SPEN: variants seen among roughly 807,000 people sequenced by gnomAD.
SPEN encodes msx2-interacting protein.
SPEN carries 18 observed loss-of-function variants against 269.9 expected under a neutral mutation model. That is an observed-to-expected ratio of 0.07 (90% CI 0.05 to 0.10). SPEN has a LOEUF of 0.10. Ranked by LOEUF, SPEN falls within the 10% of genes least tolerant of loss-of-function variation. The probability of loss-of-function intolerance (pLI) is 1.00; values close to 1 mark genes in which losing one functional copy is unlikely to be tolerated. For missense variants in SPEN, 3,822 were observed against 4,631.2 expected (o/e 0.83, Z 5.07); for synonymous variants, 1,726 against 1,765.7 (o/e 0.98, Z 0.56).
At position 15,930,697 on chromosome 1, in the gene SPEN, C is replaced by T. The variant is rs766467210; in HGVS notation, c.4457C>T (p.Ala1486Val). The T allele has an allele frequency of 5.2e-5, 84 of 1,613,934 alleles. No homozygotes were observed. The highest frequency in any genetic ancestry group is 7.0e-5 in the Non-Finnish European group (83 of 1,179,964). The change falls in exon 11 of 15, where the codon GCT becomes GTT. Residue 1486 changes from alanine (A) to valine (V), a missense_variant. Physicochemically the swap from Ala to Val is moderately conservative, Grantham distance 64. Coordinates refer to ENST00000375759, the MANE Select transcript of SPEN (RefSeq NM_015001.3). This position sits in a 1 kb window ranked among gnomAD's most constrained non-coding sequence, Gnocchi z 5.3. Reference protein sequence around the residue: ...NNKDKEKVDSAPRPIPSWYMK... With the variant: ...NNKDKEKVDSVPRPIPSWYMK... Reference sequence around the variant, plus strand: ...AAAGATAAAGAAAAGGTTGACTCTGCTCCAAGACCTATTCCATCCTGGTAC... The same window carrying T: ...AAAGATAAAGAAAAGGTTGACTCTGTTCCAAGACCTATTCCATCCTGGTAC...
In SPEN at chr1:15,929,271, G is replaced by C. The variant is rs1300465646; in HGVS notation, c.3031G>C (p.Asp1011His). 1 of 1,614,190 alleles carries C rather than the reference G, an allele frequency of 6.2e-7. No homozygotes were observed. Among genetic ancestry groups the C allele is most frequent in the South Asian group, 1.1e-5 (1 of 91,076 alleles). Residue 1011 changes from aspartate to histidine, a missense_variant, in exon 11 of 15, where the codon GAT (aspartate) becomes CAT (histidine). Coordinates refer to ENST00000375759, the MANE Select transcript of SPEN (RefSeq NM_015001.3). This position sits in a 1 kb window ranked among gnomAD's most constrained non-coding sequence, Gnocchi z 5.8. ...CAAGAAAAGCAGTCCAGAGATGGAG[G>C]ATGCTCGCGTGCTTTCAAAAAAGCA... ...EVKKSSPEMEDARVLSKKQPD... is the reference protein window; with the variant it reads ...EVKKSSPEMEHARVLSKKQPD...
intron 3 of SPEN, among the ~76,000 whole-genome samples, chr1:15,894,689 C>G (rs568237814): frequency 6.6e-6 from 1 of 151,650 alleles, no homozygotes; most frequent in Non-Finnish European, 1.5e-5. Flanking sequence ...TACAGACACG[C>G]GCCACCACAC....
intron 1 of SPEN, among the ~76,000 whole-genome samples, chr1:15,867,383 A>G (rs148644935): frequency 9.2e-5 from 14 of 152,204 alleles, no homozygotes; most frequent in Admixed American, 2.6e-4. Context: ...TATTTTTAAG[A>G]GACAGGGTTT....
rs1308487114 is a variant in SPEN, at chr1:15,930,277, A to G, written c.4037A>G (p.Gln1346Arg). 3 of 1,614,204 alleles carry G rather than the reference A, an allele frequency of 1.9e-6. No homozygotes were observed. The highest frequency in any genetic ancestry group is 1.7e-6 in the Non-Finnish European group (2 of 1,180,032). The change falls in exon 11 of 15, where the codon CAG (glutamine) becomes CGG (arginine). Residue 1346 changes from glutamine to arginine, a missense_variant. By Grantham distance (43) the Gln-to-Arg change is conservative. This residue lies in a region of SPEN where 267 missense variants were observed against 315.5 expected (regional missense o/e 0.85). Transcript: ENST00000375759. This position sits in a 1 kb window ranked among gnomAD's most constrained non-coding sequence, Gnocchi z 5.3. Reference sequence around the variant, plus strand: ...AATCGTTGGGACTCTCAGATGAAACAGGATGCTGGCAGATTTGATGTGAGT... The same window carrying G: ...AATCGTTGGGACTCTCAGATGAAACGGGATGCTGGCAGATTTGATGTGAGT... ...ELNRWDSQMK[Q>R]DAGRFDVSFP...
At chr1:15,856,121 C>T (rs1278980232) in intron 1 of SPEN, among the ~76,000 whole-genome samples, 2 of 149,740 alleles carry the variant, frequency 1.3e-5, no homozygotes. Flanking sequence ...TCCCAAATAG[C>T]TGGGATTACA....
chr1:15,925,197 G>A (rs576960032), intron 10 of SPEN, among the ~76,000 whole-genome samples: 1 of 152,278 alleles, frequency 6.6e-6, no homozygotes, highest in East Asian at 1.9e-4. Context: ...TAAGGGGCTG[G>A]GCTGGGGATA....
intron 3 of SPEN, among the ~76,000 whole-genome samples, chr1:15,886,909 T>A (rs1399879631): frequency 6.6e-6 from 1 of 152,200 alleles, no homozygotes; most frequent in Non-Finnish European, 1.5e-5. Context: ...GTGGAAGGAA[T>A]TAAAATAGGT....
chr1:15,891,917 A>G (rs1460380008), intron 3 of SPEN, among the ~76,000 whole-genome samples: 7 of 151,852 alleles, frequency 4.6e-5, no homozygotes, highest in African/African-American at 1.5e-4. Context: ...AAAAAAAAAA[A>G]ACTTATTTAT....
At position 15,932,162 on chromosome 1, in the gene SPEN, A is replaced by T; in HGVS notation, c.5922A>T (p.Thr1974=). 2 of 1,612,624 alleles carry T rather than the reference A, an allele frequency of 1.2e-6. No homozygotes were observed. The highest frequency in any genetic ancestry group is 2.2e-5 in the South Asian group (2 of 90,986). The part of the protein sequence containing the change: ...EENEAKEPAE[T]LKPPEGWRSP... ...ACGAGGCCAAGGAACCTGCAGAAAC[A>T]CTCAAGCCACCTGAGGGATGGCGGT... The change falls in exon 11 of 15, where the codon ACA becomes ACT. Residue 1974 remains threonine, a synonymous_variant. Transcript: ENST00000375759. This position sits in a 1 kb window ranked among gnomAD's most constrained non-coding sequence, Gnocchi z 4.2.
In SPEN at chr1:15,920,854, T is replaced by C. The variant is rs1557755606; in HGVS notation, c.1636-16T>C. ...GGATGAGGCTCTTACTTGTTTTTTGTTTGTTTGTTTTACAGGTGGTGTTTG... is the reference window on the plus strand; with the variant it reads ...GGATGAGGCTCTTACTTGTTTTTTGCTTGTTTGTTTTACAGGTGGTGTTTG... On this transcript the variant is annotated splice_polypyrimidine_tract_variant and intron_variant, in intron 8 of 14. Coordinates refer to ENST00000375759, the MANE Select transcript of SPEN (RefSeq NM_015001.3). 6.5e-7 allele frequency: 1 copy of C among 1,540,256 alleles called. No homozygotes were observed. The highest frequency in any genetic ancestry group is 8.9e-7 in the Non-Finnish European group (1 of 1,129,494).
intron 3 of SPEN, among the ~76,000 whole-genome samples, chr1:15,895,173 C>G (rs548951839): frequency 5.3e-5 from 8 of 152,120 alleles, no homozygotes; most frequent in Non-Finnish European, 1.2e-4. Flanking sequence ...CCGCCCGCCT[C>G]GGCCTCCCAA....
chr1:15,854,522 C>T (rs987448113), intron 1 of SPEN, among the ~76,000 whole-genome samples: 2 of 151,952 alleles, frequency 1.3e-5, no homozygotes, highest in South Asian at 2.1e-4. Context: ...AGTTTCGCTC[C>T]TGTTGCCCAG....
chr1:15,882,040 G>T (rs961022955), intron 3 of SPEN, among the ~76,000 whole-genome samples: 1 of 152,134 alleles, frequency 6.6e-6, no homozygotes, highest in African/African-American at 2.4e-5. Flanking sequence ...TGCTAGTGGG[G>T]TATTTCAGAT....
Position 15,933,220 on chromosome 1 carries a change from G to A in SPEN, c.6980G>A (p.Arg2327Gln), listed in dbSNP as rs765733962. 16 of 1,614,110 alleles carry A rather than the reference G, an allele frequency of 9.9e-6. No individual in the cohort carries two copies. The highest frequency in any genetic ancestry group is 2.2e-5 in the East Asian group (1 of 44,876). Residue 2327 changes from arginine to glutamine, a missense_variant, in exon 11 of 15, where the codon CGG (arginine) becomes CAG (glutamine). Physicochemically the swap from Arg to Gln is conservative, Grantham distance 43. This residue lies in a region of SPEN where 727 missense variants were observed against 737.9 expected (regional missense o/e 0.99). Transcript: ENST00000375759. The surrounding 1 kb of genome is among the most constrained non-coding windows in gnomAD (Gnocchi z 5.7). ...AAAGAAGTGGAAGTCACTCTTGTTCGGAAAGACAAAGGGCGCCAGAAAACA... is the reference window on the plus strand; with the variant it reads ...AAAGAAGTGGAAGTCACTCTTGTTCAGAAAGACAAAGGGCGCCAGAAAACA... ...GSKEVEVTLV[R>Q]KDKGRQKTTR...
At position 15,919,070 on chromosome 1, in the gene SPEN, A is replaced by C; in HGVS notation, c.1521+19A>C. ...CCTCAAGGTAAATGAATTTGCATAA[A>C]TTATTGTGCTGTTATGATTTGCTTT... is the stretch of plus-strand genomic sequence containing the variant. On this transcript the variant is annotated intron_variant, in intron 7 of 14. Transcript: ENST00000375759. 1 of 1,602,290 alleles carries C rather than the reference A, an allele frequency of 6.2e-7. No homozygotes were observed. Among genetic ancestry groups the C allele is most frequent in the Non-Finnish European group, 8.5e-7 (1 of 1,176,134 alleles).
intron 3 of SPEN, among the ~76,000 whole-genome samples, chr1:15,879,863 G>C (rs1371746679): frequency 6.6e-6 from 1 of 152,048 alleles, no homozygotes; most frequent in Non-Finnish European, 1.5e-5. Context: ...GTAGAGATGG[G>C]GTTTCACCGT....
At chr1:15,889,994 C>T (rs2070773766) in intron 3 of SPEN, among the ~76,000 whole-genome samples, 4 of 152,184 alleles carry the variant, frequency 2.6e-5, no homozygotes, top group Non-Finnish European at 5.9e-5. Flanking sequence ...GGATTACAGG[C>T]ATGAGCCACC....
In SPEN at chr1:15,934,801, C is replaced by G. The variant is rs762973141; in HGVS notation, c.8561C>G (p.Ser2854Cys). The change falls in exon 11 of 15, where the codon TCC (serine) becomes TGC (cysteine). Residue 2854 changes from serine (S) to cysteine (C), a missense_variant. Ser to Cys is a moderately radical substitution (Grantham distance 112). Around this residue, in one of 16 missense-constraint regions of SPEN, gnomAD observed 329 missense variants for 431.2 expected, o/e 0.76. Coordinates refer to ENST00000375759, the MANE Select transcript of SPEN (RefSeq NM_015001.3). The surrounding 1 kb of genome is among the most constrained non-coding windows in gnomAD (Gnocchi z 9.2). ...DIEFQQSVSK[S>C]QVKPDSVTAS... is the part of the protein sequence containing the mutation. Reference sequence around the variant, plus strand: ...GAATTTCAGCAGTCAGTGTCCAAGTCCCAGGTCAAACCTGATTCTGTCACA... The same window carrying G: ...GAATTTCAGCAGTCAGTGTCCAAGTGCCAGGTCAAACCTGATTCTGTCACA... The G allele has an allele frequency of 2.5e-6, 4 of 1,614,196 alleles. No individual in the cohort carries two copies. Among genetic ancestry groups the G allele is most frequent in the Non-Finnish European group, 3.4e-6 (4 of 1,180,030 alleles).
chr1:15,883,282 G>A (rs1557742304), intron 3 of SPEN, among the ~76,000 whole-genome samples: 1 of 152,164 alleles, frequency 6.6e-6, no homozygotes, highest in Non-Finnish European at 1.5e-5. Context: ...ACCCTTTGTG[G>A]TGTTTGCTTA....
Sources: gnomAD v4.1 joint callset for allele counts (sites outside exome capture counted in the v4.1 genomes callset) on GRCh38, gnomAD v4.1.1 for gene constraint, gnomAD v4.1.1 regional missense constraint, Gnocchi (gnomAD v3.1) non-coding constraint, MANE v1.5 for transcripts, NCBI Gene and HGNC (gene_info 2026-07-23, HGNC 2026-07-21) for gene names.